Variants in OSBP2 observed in about 807,000 individuals in gnomAD.
OSBP2 encodes the protein oxysterol-binding protein 2.
In OSBP2, 66 loss-of-function variants were observed where a neutral mutation model predicts 96.0. That is an observed-to-expected ratio of 0.69 (90% CI 0.56 to 0.84). The LOEUF (loss-of-function observed/expected upper bound fraction) is 0.84. Ranked by LOEUF, OSBP2 falls within the 40% of genes least tolerant of loss-of-function variation. The pLI is 0.00. For synonymous variants in OSBP2, 525 were observed against 520.9 expected (o/e 1.01, Z -0.11); for missense variants, 1,038 against 1,222.7 (o/e 0.85, Z 2.25).
intron 12 of OSBP2, among the ~76,000 whole-genome samples, chr22:30,899,276 C>T (rs936257447): frequency 6.6e-6 from 1 of 151,654 alleles, no homozygotes; most frequent in Non-Finnish European, 1.5e-5. Context: ...ATGTGTAGTA[C>T]ACACCTGTAG....
intron 9 of OSBP2, 53 bp downstream of exon 9, chr22:30,893,295 G>C (rs1602429780): frequency 6.2e-7 from 1 of 1,611,696 alleles, no homozygotes; most frequent in Non-Finnish European, 8.5e-7. Flanking sequence ...TGCATAAGAG[G>C]GAGGATTCTG....
At chr22:30,722,561 G>A (rs2145705985) in intron 1 of OSBP2, among the ~76,000 whole-genome samples, 1 of 152,070 alleles carries the variant, frequency 6.6e-6, no homozygotes, top group South Asian at 2.1e-4. Context: ...TTTCCCCACT[G>A]ATTTATAATT....
chr22:30,836,027 A>G (rs920649131), intron 2 of OSBP2, among the ~76,000 whole-genome samples: 1 of 151,846 alleles, frequency 6.6e-6, no homozygotes, highest in Admixed American at 6.6e-5. Context: ...CATTAATTGT[A>G]TTTTTCTGAT....
chr22:30,868,624 A>G (rs1243513438), intron 2 of OSBP2, among the ~76,000 whole-genome samples: 1 of 152,176 alleles, frequency 6.6e-6, no homozygotes, highest in East Asian at 1.9e-4. Context: ...GCAGGCGGTC[A>G]TTTGAATAAC....
At chr22:30,696,910 C>T (rs1367015248) in intron 1 of OSBP2, among the ~76,000 whole-genome samples, 3 of 152,222 alleles carry the variant, frequency 2.0e-5, no homozygotes, top group Admixed American at 6.5e-5. Flanking sequence ...TCGCCTGCCT[C>T]GGCCTCCCAA....
chr22:30,841,712 T>A (rs2038756570), intron 2 of OSBP2, among the ~76,000 whole-genome samples: 2 of 152,174 alleles, frequency 1.3e-5, no homozygotes, highest in African/African-American at 2.4e-5. Context: ...AAAAATATTT[T>A]ATTGTAGACC....
intron 3 of OSBP2, among the ~76,000 whole-genome samples, chr22:30,884,935 G>A (rs572569911): frequency 2.9e-4 from 44 of 152,376 alleles, no homozygotes; most frequent in African/African-American, 1.0e-3. Context: ...GGTTCTGACT[G>A]AGGGGCAGGC....
At chr22:30,821,717 C>T (rs1481722845) in intron 2 of OSBP2, among the ~76,000 whole-genome samples, 1 of 152,194 alleles carries the variant, frequency 6.6e-6, no homozygotes. Flanking sequence ...GTAAGTGAAA[C>T]TTGCTGTATT....
chr22:30,880,479 T>G (rs565849823), intron 3 of OSBP2, among the ~76,000 whole-genome samples: 1 of 152,260 alleles, frequency 6.6e-6, no homozygotes, highest in South Asian at 2.1e-4. Context: ...ATATGGGCAT[T>G]TGGCCCATCT....
intron 2 of OSBP2, among the ~76,000 whole-genome samples, chr22:30,762,986 C>A (rs754831544): frequency 2.0e-5 from 3 of 152,166 alleles, no homozygotes; most frequent in Admixed American, 6.5e-5. Flanking sequence ...GATGCTGGAG[C>A]CAGCCTGCCT....
At chr22:30,898,860 T>C (rs1489919199) in intron 12 of OSBP2, among the ~76,000 whole-genome samples, 2 of 119,660 alleles carry the variant, frequency 1.7e-5, no homozygotes, top group African/African-American at 7.3e-5. Flanking sequence ...ATCATCTTTA[T>C]ATTAATAATA....
intron 12 of OSBP2, among the ~76,000 whole-genome samples, chr22:30,899,221 A>T (rs2040135591): frequency 6.6e-6 from 1 of 152,004 alleles, no homozygotes; most frequent in African/African-American, 2.4e-5. Flanking sequence ...TCTACAAAAA[A>T]AAAATTTTTT....
chr22:30,781,971 AC>A (rs1295515274), intron 2 of OSBP2, among the ~76,000 whole-genome samples: 1 of 152,052 alleles, frequency 6.6e-6, no homozygotes, highest in Non-Finnish European at 1.5e-5. Flanking sequence ...ACAGGGTGAA[AC>A]CCCATCTCTA....
intron 2 of OSBP2, among the ~76,000 whole-genome samples, chr22:30,741,800 CA>C (rs2089940937): frequency 1.3e-5 from 2 of 151,920 alleles, no homozygotes; most frequent in South Asian, 4.1e-4. Flanking sequence ...CTGAGCAAGA[CA>C]TTTTGTTTCT....
At chr22:30,904,153 A>G (rs1368508822) in intron 12 of OSBP2, among the ~76,000 whole-genome samples, 1 of 152,042 alleles carries the variant, frequency 6.6e-6, no homozygotes, top group Non-Finnish European at 1.5e-5. Flanking sequence ...TAGGAAAGAG[A>G]CCCTTGCAGG....
chr22:30,864,820 C>A (rs9609131), intron 2 of OSBP2, among the ~76,000 whole-genome samples: 48,957 of 152,012 alleles, frequency 0.32, 8,301 homozygotes, highest in South Asian at 0.48. Flanking sequence ...CCAGTGACAC[C>A]CATGAGGGGA....
intron 3 of OSBP2, among the ~76,000 whole-genome samples, chr22:30,886,688 G>A (rs938973517): frequency 6.6e-6 from 1 of 152,168 alleles, no homozygotes; most frequent in South Asian, 2.1e-4. Flanking sequence ...AGTAAGTCAC[G>A]ATATATAGGG....
At position 30,744,882 on chromosome 22, in the gene OSBP2, G is replaced by A. The variant is rs1277673338; in HGVS notation, c.853+3513G>A. Among the ~76,000 whole-genome samples the A allele has an allele frequency of 3.3e-5, 5 of 152,290 alleles. No homozygotes were observed. In the East Asian group the frequency reaches 5.8e-4, roughly 18 times the overall value. On this transcript the variant is annotated intron_variant, in intron 2 of 13. Transcript: ENST00000332585. ...ACAGCAGATTATAATTTCTTTTCAAGTACACATGGAACATTTTTCAGGATA... is the reference window on the plus strand; with the variant it reads ...ACAGCAGATTATAATTTCTTTTCAAATACACATGGAACATTTTTCAGGATA...
At chr22:30,891,029 T>A in intron 8 of OSBP2, 56 bp downstream of exon 8, 1 of 1,567,310 alleles carries the variant, frequency 6.4e-7, no homozygotes, top group Admixed American at 1.7e-5. Context: ...GCCAAGCTGT[T>A]CCTGCCAGGC....
Sources: gnomAD v4.1 joint callset for allele counts (sites outside exome capture counted in the v4.1 genomes callset) on GRCh38, gnomAD v4.1.1 for gene constraint, MANE v1.5 for transcripts, NCBI Gene and HGNC (gene_info 2026-07-23, HGNC 2026-07-21) for gene names.